AP3D1: variants seen among roughly 807,000 people sequenced by gnomAD.
The protein encoded by AP3D1 is AP-3 complex subunit delta-1.
Under a neutral mutation model 147.6 loss-of-function variants are expected in AP3D1, and 51 were observed. That is an observed-to-expected ratio of 0.35 (90% CI 0.28 to 0.44). AP3D1 has a LOEUF of 0.44. Ranked by LOEUF, AP3D1 falls within the 20% of genes least tolerant of loss-of-function variation. The pLI, the probability that AP3D1 is intolerant of heterozygous loss-of-function variation, is 1.00. For missense variants in AP3D1, 1,421 were observed against 1,624.2 expected, an observed-to-expected ratio of 0.87 and a Z score of 2.15; for synonymous variants, 760 against 663.0, an observed-to-expected ratio of 1.15 and a Z score of -2.25.
chr19:2,108,884 A>T, intron 30 of AP3D1, 118 bp from the exon 31 acceptor site: 1 of 1,344,262 alleles, frequency 7.4e-7, no homozygotes, highest in Non-Finnish European at 1.0e-6. Flanking sequence ...GGCCTGTAGG[A>T]GCAGGGTGTG....
At position 2,121,200 on chromosome 19, in the gene AP3D1, T is replaced by C; in HGVS notation, c.1213A>G (p.Ser405Gly). ...ELLTKIIDICSQSNYQYITNF... is the reference protein window; with the variant it reads ...ELLTKIIDICGQSNYQYITNF... Reference sequence around the variant, plus strand: ...GTGATGTACTGGTAGTTGGACTGGCTGCAGATGTCAATGATCTTGGTGAGC... The same window carrying C: ...GTGATGTACTGGTAGTTGGACTGGCCGCAGATGTCAATGATCTTGGTGAGC... Residue 405 changes from serine to glycine, a missense_variant, in exon 13 of 32, where the codon AGC becomes GGC. Around this residue, in one of 6 missense-constraint regions of AP3D1, gnomAD observed 310 missense variants for 388.1 expected, o/e 0.80. Coordinates refer to ENST00000643116, the MANE Select transcript of AP3D1 (RefSeq NM_001261826.3). The C allele has an allele frequency of 6.2e-7, 1 of 1,614,190 alleles. No individual in the cohort carries two copies.
At chr19:2,130,366 G>A in intron 6 of AP3D1, 42 bp downstream of exon 6, 1 of 1,612,338 alleles carries the variant, frequency 6.2e-7, no homozygotes, top group South Asian at 1.1e-5. Flanking sequence ...CACCGGCTGA[G>A]CCCCCACCCT....
rs372892224 is a variant in AP3D1, at chr19:2,100,988, T to G, written c.*1185A>C. ...ACCCAGGCCAGGCAGAAGACCCATG[T>G]GGAAATGCCTGTTTTACAACTTTAT... On this transcript the variant is annotated 3_prime_UTR_variant, in exon 32 of 32. Coordinates refer to ENST00000643116, the MANE Select transcript of AP3D1 (RefSeq NM_001261826.3). 24 of 152,436 alleles carry G rather than the reference T, an allele frequency of 1.6e-4. No individual in the cohort carries two copies. Among genetic ancestry groups the G allele is most frequent in the African/African-American group, 5.8e-4 (24 of 41,552 alleles). 9.4% of individuals were successfully genotyped at this position (152,436 alleles called of 1,614,324 possible).
chr19:2,123,426 G>T lies in AP3D1; in HGVS notation c.907-20C>A. ...ACAAAGCTGAAAAGAAGAAAAAAAC[G>T]ATGCTGGTTACATCCTCTAAACCAA... On this transcript the variant is annotated intron_variant, in intron 10 of 31. Coordinates refer to ENST00000643116, the MANE Select transcript of AP3D1 (RefSeq NM_001261826.3). 1.2e-6 allele frequency: 2 copies of T among 1,613,458 alleles called. No homozygotes were observed. The highest frequency in any genetic ancestry group is 1.7e-6 in the Non-Finnish European group (2 of 1,179,752).
intron 5 of AP3D1, among the ~76,000 whole-genome samples, chr19:2,131,933 C>T (rs1599477824): frequency 6.6e-6 from 1 of 152,242 alleles, no homozygotes; most frequent in East Asian, 1.9e-4. Flanking sequence ...AGCATGCCCG[C>T]TCCACACTGT....
At chr19:2,155,973 T>C (rs1188041511), upstream of AP3D1, among the ~76,000 whole-genome samples, 1 of 148,518 alleles carries the variant, frequency 6.7e-6, no homozygotes, top group East Asian at 2.0e-4. Context: ...GAATGGCGTG[T>C]ACCCGGGAGG....
At chr19:2,139,845 C>A (rs2019173121) in intron 1 of AP3D1, among the ~76,000 whole-genome samples, 1 of 152,172 alleles carries the variant, frequency 6.6e-6, no homozygotes, top group African/African-American at 2.4e-5. Flanking sequence ...CTCAGCCCCA[C>A]TGTAGCTGGC....
intron 1 of AP3D1, among the ~76,000 whole-genome samples, chr19:2,157,729 C>T (rs890765365): frequency 6.8e-6 from 1 of 147,282 alleles, no homozygotes; most frequent in Non-Finnish European, 1.5e-5. Flanking sequence ...ACCCACCCAT[C>T]CACCCATCCA....
At chr19:2,106,564 A>T (rs1428933483) in intron 31 of AP3D1, among the ~76,000 whole-genome samples, 4 of 152,128 alleles carry the variant, frequency 2.6e-5, no homozygotes, top group African/African-American at 9.7e-5. Flanking sequence ...AAAAAATAAA[A>T]AAAAACAAAA....
Position 2,102,252 on chromosome 19 carries a change from G to T in AP3D1, c.3569C>A (p.Ser1190Ter). Residue 1190 changes from serine (S) to a stop codon, truncating the protein, a stop_gained, in exon 32 of 32, where the codon TCA becomes TAA. Transcript: ENST00000643116. LOFTEE classifies it high-confidence loss of function. Reference sequence around the variant, plus strand: ...GGAGTCACTGCACTTCCCGTCGACTGAGACAGAGTTCTCACCCTGTGTAAG... The same window carrying T: ...GGAGTCACTGCACTTCCCGTCGACTTAGACAGAGTTCTCACCCTGTGTAAG... ...LLVKKGENSV[S>*]VDGKCSDSTL... The T allele has an allele frequency of 6.2e-7, 1 of 1,613,704 alleles. No homozygotes were observed. Among genetic ancestry groups the T allele is most frequent in the South Asian group, 1.1e-5 (1 of 91,066 alleles).
rs1409254163 is a variant in AP3D1, at chr19:2,102,012, C to T, written c.*161G>A. 10 of 617,112 alleles carry T rather than the reference C, an allele frequency of 1.6e-5. No individual in the cohort carries two copies. The highest frequency in any genetic ancestry group is 1.2e-4 in the South Asian group (6 of 51,430). 38.2% of individuals were successfully genotyped at this position (617,112 alleles called of 1,614,324 possible). A position where few individuals can be genotyped will look rare whatever the true frequency, so the allele number is the denominator to read the frequency against. On this transcript the variant is annotated 3_prime_UTR_variant, in exon 32 of 32. Coordinates refer to ENST00000643116, the MANE Select transcript of AP3D1 (RefSeq NM_001261826.3). ...AAAAAAGGATGGTCAGATAATTCAA[C>T]GCAACAAATGACCTCGGATGTCTAC...
chr19:2,109,048 A>C, intron 30 of AP3D1, 38 bp downstream of exon 30: 1 of 1,602,030 alleles, frequency 6.2e-7, no homozygotes, highest in Non-Finnish European at 8.5e-7. Context: ...GCGTGCGTGA[A>C]AGCCCCGTGC....
At chr19:2,106,855 T>C (rs1406917806) in intron 31 of AP3D1, among the ~76,000 whole-genome samples, 1 of 152,156 alleles carries the variant, frequency 6.6e-6, no homozygotes, top group African/African-American at 2.4e-5. Flanking sequence ...AGCCATCAGA[T>C]TCACAAAGAC....
At chr19:2,123,988 G>C in intron 9 of AP3D1, 109 bp from the exon 10 acceptor site, 1 of 1,252,526 alleles carries the variant, frequency 8.0e-7, no homozygotes, top group South Asian at 1.3e-5. Context: ...GGGATGGGAG[G>C]GAGGACAGAA....
chr19:2,137,377 G>A (rs1049973982), intron 3 of AP3D1, among the ~76,000 whole-genome samples: 2 of 151,576 alleles, frequency 1.3e-5, no homozygotes, highest in African/African-American at 2.4e-5. Flanking sequence ...GCAATGGCAC[G>A]ATCTCAGCTC....
chr19:2,160,653 G>A (rs903770197), intron 1 of AP3D1, among the ~76,000 whole-genome samples: 5 of 152,158 alleles, frequency 3.3e-5, no homozygotes, highest in Non-Finnish European at 7.4e-5. Context: ...TCCCCAAAGT[G>A]TGTCTTAGCC....
At chr19:2,114,342 G>C in intron 21 of AP3D1, 40 bp from the exon 22 acceptor site, 10 of 1,556,278 alleles carry the variant, frequency 6.4e-6, no homozygotes, top group Non-Finnish European at 8.8e-6. Flanking sequence ...AGCACCACTG[G>C]CCACCCCCCA....
intron 31 of AP3D1, among the ~76,000 whole-genome samples, chr19:2,105,518 C>T (rs533767525): frequency 3.9e-5 from 6 of 152,306 alleles, no homozygotes; most frequent in South Asian, 4.1e-4. Flanking sequence ...ATTCGTTTCC[C>T]GTAGGGGATA....
chr19:2,113,873 C>T (rs1278249330), intron 22 of AP3D1, among the ~76,000 whole-genome samples: 1 of 152,234 alleles, frequency 6.6e-6, no homozygotes, highest in African/African-American at 2.4e-5. Context: ...ACCATGTCCC[C>T]CCAACACAGG....
Sources: allele counts gnomAD v4.1 joint callset (sites outside exome capture counted in the v4.1 genomes callset), GRCh38; gene constraint gnomAD v4.1.1; regional missense constraint gnomAD v4.1.1; transcripts MANE v1.5; gene names NCBI Gene and HGNC (gene_info 2026-07-23, HGNC 2026-07-21).